Variants in RBPJ observed in about 807,000 individuals in gnomAD.
RBPJ encodes recombining binding protein suppressor of hairless.
In RBPJ, 9 loss-of-function variants were observed where a neutral mutation model predicts 67.8. That is an observed-to-expected ratio of 0.13 (90% confidence interval 0.08 to 0.23). RBPJ has a LOEUF of 0.23. Ranked by LOEUF, RBPJ falls within the 10% of genes least tolerant of loss-of-function variation. RBPJ has a pLI of 1.00. For missense variants in RBPJ, 305 were observed against 595.6 expected (o/e 0.51, Z 5.08); for synonymous variants, 198 against 203.3 (o/e 0.97, Z 0.22).
chr4:26,241,657 ATGC>A (rs1719640636), intron 1 of RBPJ, among the ~76,000 whole-genome samples: 1 of 151,924 alleles, frequency 6.6e-6, no homozygotes. Flanking sequence ...GACTACAGGC[ATGC>A]CCCACCACAC....
intron 1 of RBPJ, among the ~76,000 whole-genome samples, chr4:26,166,931 A>C (rs927815227): frequency 6.6e-6 from 1 of 152,242 alleles, no homozygotes; most frequent in African/African-American, 2.4e-5. Flanking sequence ...AGCTTTCTAC[A>C]TATGGGTAGC....
intron 1 of RBPJ, among the ~76,000 whole-genome samples, chr4:26,366,847 C>T (rs978924122): frequency 9.9e-5 from 15 of 152,008 alleles, no homozygotes; most frequent in Admixed American, 1.3e-4. Context: ...ACAAATAGGC[C>T]GGGCGTCGTG....
intron 1 of RBPJ, among the ~76,000 whole-genome samples, chr4:26,244,143 G>A (rs1325073320): frequency 1.4e-5 from 2 of 141,214 alleles, no homozygotes; most frequent in African/African-American, 2.6e-5. Flanking sequence ...ATATATATAT[G>A]TGTACACATA....
At chr4:26,215,860 G>C (rs10050115) in intron 1 of RBPJ, among the ~76,000 whole-genome samples, 91,860 of 151,832 alleles carry the variant, frequency 0.61, 28,308 homozygotes, top group East Asian at 0.93. Context: ...GTTCAGTGCC[G>C]GGCAGCACAT....
chr4:26,353,672 G>A (rs1185805435), intron 1 of RBPJ, among the ~76,000 whole-genome samples: 2 of 148,860 alleles, frequency 1.3e-5, no homozygotes, highest in African/African-American at 2.5e-5. Context: ...GTAGTGGTGC[G>A]ATCTTGGCTC....
At chr4:26,411,366 T>C (rs1265154379) in intron 3 of RBPJ, among the ~76,000 whole-genome samples, 2 of 146,996 alleles carry the variant, frequency 1.4e-5, no homozygotes, top group Admixed American at 1.4e-4. Context: ...TATTCTTGCC[T>C]TTTTTTTTTG....
intron 2 of RBPJ, 111 bp from the exon 3 acceptor site, chr4:26,406,064 C>T: frequency 3.2e-6 from 2 of 632,448 alleles, no homozygotes; most frequent in Non-Finnish European, 2.7e-6. Flanking sequence ...TTAAGATTTG[C>T]TTATTTAAAA....
At chr4:26,169,807 G>A (rs368328683) in intron 1 of RBPJ, among the ~76,000 whole-genome samples, 1,601 of 152,272 alleles carry the variant, frequency 0.011, 19 homozygotes, top group South Asian at 0.041. Flanking sequence ...CCTCGCTGCC[G>A]CCTTGCAGTT....
chr4:26,319,779 C>A, upstream of RBPJ: 2 of 1,204,880 alleles, frequency 1.7e-6, no homozygotes, highest in Non-Finnish European at 2.5e-6. Context: ...AGGTTTCGGG[C>A]GGCGAATTCC....
intron 1 of RBPJ, among the ~76,000 whole-genome samples, chr4:26,221,409 G>T (rs553058985): frequency 1.9e-4 from 29 of 152,162 alleles, no homozygotes; most frequent in African/African-American, 6.7e-4. Context: ...TCTTAAAGGG[G>T]AAGAATTCTA....
intron 1 of RBPJ, among the ~76,000 whole-genome samples, chr4:26,175,170 G>A (rs867190806): frequency 2.8e-4 from 42 of 152,188 alleles, no homozygotes; most frequent in Admixed American, 8.5e-4. Flanking sequence ...ACAGAGCCAC[G>A]CTTTCTTGGC....
chr4:26,279,785 C>CTTT (rs1026614295), intron 1 of RBPJ, among the ~76,000 whole-genome samples: 2 of 116,654 alleles, frequency 1.7e-5, no homozygotes, highest in Non-Finnish European at 3.5e-5. Context: ...TTGAAATTGT[C>CTTT]TTTTTTTTTT....
intron 2 of RBPJ, among the ~76,000 whole-genome samples, chr4:26,401,746 G>A (rs1255669861): frequency 6.6e-6 from 1 of 152,160 alleles, no homozygotes; most frequent in Non-Finnish European, 1.5e-5. Context: ...ATAGAATTTA[G>A]TATCCGGAAA....
At chr4:26,283,114 A>G (rs1264130873) in intron 1 of RBPJ, among the ~76,000 whole-genome samples, 3 of 148,718 alleles carry the variant, frequency 2.0e-5, no homozygotes, top group Non-Finnish European at 4.5e-5. Context: ...TATTTTTAGT[A>G]GAGACAGGGT....
intron 1 of RBPJ, among the ~76,000 whole-genome samples, chr4:26,244,400 CAT>C (rs759748000): frequency 1.8e-3 from 1 of 542 alleles, no homozygotes; most frequent in East Asian, 0.062. Flanking sequence ...TATGTATGCA[CAT>C]ATGTGTGTAT....
chr4:26,253,563 G>A (rs1720191813), intron 1 of RBPJ, among the ~76,000 whole-genome samples: 2 of 151,074 alleles, frequency 1.3e-5, no homozygotes, highest in African/African-American at 2.5e-5. Flanking sequence ...CGCCCGCCTC[G>A]GCCTCCCAAA....
intron 1 of RBPJ, among the ~76,000 whole-genome samples, chr4:26,181,239 G>A (rs917807818): frequency 1.3e-5 from 2 of 152,146 alleles, no homozygotes; most frequent in African/African-American, 2.4e-5. Context: ...GTTTCTCACT[G>A]TAAGTCTGCG....
intron 1 of RBPJ, among the ~76,000 whole-genome samples, chr4:26,334,233 G>C (rs1462546997): frequency 6.6e-6 from 1 of 151,962 alleles, no homozygotes; most frequent in Non-Finnish European, 1.5e-5. Flanking sequence ...TAGAGGTGGA[G>C]TTTCACCACG....
At chr4:26,316,246 CAT>C (rs201168345), upstream of RBPJ, among the ~76,000 whole-genome samples, 92 of 144,308 alleles carry the variant, frequency 6.4e-4, no homozygotes, top group African/African-American at 7.6e-4. Flanking sequence ...CTTCCCGCAA[CAT>C]ATATATATAT....
Sources: allele counts gnomAD v4.1 joint callset (sites outside exome capture counted in the v4.1 genomes callset), GRCh38; gene constraint gnomAD v4.1.1; transcripts MANE v1.5; gene names NCBI Gene and HGNC (gene_info 2026-07-23, HGNC 2026-07-21).